MYO9A: variants seen among roughly 807,000 people sequenced by gnomAD.
The protein encoded by MYO9A is unconventional myosin-IXa.
Under a neutral mutation model 293.3 loss-of-function variants are expected in MYO9A, and 103 were observed. The ratio of observed to expected loss-of-function variants is 0.35; its 90% CI spans 0.30 to 0.41. MYO9A has a LOEUF of 0.41. MYO9A is among the 10% of genes least tolerant of loss of function. MYO9A has a pLI of 1.00. For synonymous variants in MYO9A, 1,001 were observed against 1,035.7 expected (o/e 0.97, Z 0.64); for missense variants, 2,685 against 3,033.0 (o/e 0.89, Z 2.69).
chr15:72,106,270 G>C (rs1437882502), intron 1 of MYO9A, among the ~76,000 whole-genome samples: 2 of 151,660 alleles, frequency 1.3e-5, no homozygotes, highest in Non-Finnish European at 2.9e-5. Flanking sequence ...TTGAGGCCAG[G>C]AGTTCAAAAC....
chr15:71,926,478 G>C (rs2058316762), intron 18 of MYO9A, among the ~76,000 whole-genome samples: 1 of 152,150 alleles, frequency 6.6e-6, no homozygotes, highest in Non-Finnish European at 1.5e-5. Context: ...GGAGGCCGAG[G>C]CAGAAAGACT....
intron 35 of MYO9A, among the ~76,000 whole-genome samples, chr15:71,853,959 C>A (rs559439935): frequency 7.9e-5 from 12 of 152,320 alleles, no homozygotes; most frequent in African/African-American, 2.4e-4. Flanking sequence ...CTGTAAGCCT[C>A]AGTTCCTTTT....
intron 1 of MYO9A, among the ~76,000 whole-genome samples, chr15:72,091,485 A>C (rs1344530092): frequency 6.6e-6 from 1 of 152,158 alleles, no homozygotes; most frequent in Non-Finnish European, 1.5e-5. Context: ...AAGAATACGC[A>C]AGCCTAACTG....
chr15:71,920,826 C>A (rs4776583), intron 18 of MYO9A, among the ~76,000 whole-genome samples: 140,279 of 152,060 alleles, frequency 0.92, 65,106 homozygotes, highest in Non-Finnish European at 0.97. Context: ...GCATGCCCGT[C>A]ATCTCAGCTA....
intron 15 of MYO9A, 108 bp from the exon 16 acceptor site, chr15:71,939,035 A>G: frequency 2.7e-6 from 2 of 737,218 alleles, no homozygotes; most frequent in Non-Finnish European, 4.3e-6. Flanking sequence ...TATTTGCTAA[A>G]TATTTCAGAA....
At chr15:71,859,485 C>T (rs985067136) in intron 34 of MYO9A, among the ~76,000 whole-genome samples, 7 of 152,048 alleles carry the variant, frequency 4.6e-5, no homozygotes, top group Non-Finnish European at 1.0e-4. Flanking sequence ...TTGTGGTTTA[C>T]GAAATTAATT....
At chr15:71,844,665 A>G (rs981351809) in intron 39 of MYO9A, among the ~76,000 whole-genome samples, 3 of 152,202 alleles carry the variant, frequency 2.0e-5, no homozygotes, top group African/African-American at 7.2e-5. Context: ...GAGAGCTTTG[A>G]TTTCTTCTGA....
intron 25 of MYO9A, among the ~76,000 whole-genome samples, chr15:71,895,987 A>T (rs1372102851): frequency 1.3e-5 from 2 of 152,214 alleles, no homozygotes; most frequent in East Asian, 3.8e-4. Context: ...ATGGAATACC[A>T]TGTATCACTA....
At chr15:71,979,767 G>A (rs1389575064) in intron 11 of MYO9A, among the ~76,000 whole-genome samples, 1 of 152,170 alleles carries the variant, frequency 6.6e-6, no homozygotes, top group Non-Finnish European at 1.5e-5. Flanking sequence ...CTGCTACAAA[G>A]CATTAGTTCT....
chr15:72,118,375 C>T (rs1238496231), upstream of MYO9A: 2 of 164,710 alleles, frequency 1.2e-5, no homozygotes, highest in Non-Finnish European at 2.6e-5. Flanking sequence ...AGGTTGGGGA[C>T]GAAACCTCTG....
chr15:72,044,744 C>T (rs2078331291), intron 2 of MYO9A, among the ~76,000 whole-genome samples: 1 of 152,218 alleles, frequency 6.6e-6, no homozygotes, highest in African/African-American at 2.4e-5. Flanking sequence ...CGATGCTAGG[C>T]ACAGCTGTTA....
intron 33 of MYO9A, 58 bp from the exon 34 acceptor site, chr15:71,859,854 C>T (rs1419140484): frequency 1.4e-6 from 2 of 1,418,684 alleles, no homozygotes; most frequent in African/African-American, 2.8e-5. Flanking sequence ...GTGATAATAA[C>T]TTATCAAGTA....
chr15:72,101,985 G>A (rs1196310999), intron 1 of MYO9A, among the ~76,000 whole-genome samples: 5 of 151,920 alleles, frequency 3.3e-5, no homozygotes, highest in South Asian at 2.1e-4. Context: ...CGTCTGGGAG[G>A]TGTGCCCAAC....
chr15:72,036,746 G>A lies in MYO9A; in HGVS notation c.841-4158C>T, dbSNP rs140552533. ...TTGTTTTGTTTTGAGACAAGATCTC[G>A]TTCTGTCACCCATGCTGGAGTGCAG... On this transcript the variant is annotated intron_variant, in intron 2 of 41. Transcript: ENST00000356056. The A allele has an allele frequency of 4.9e-3, 748 of 152,342 alleles. 11 individuals carry two copies. The highest frequency in any genetic ancestry group is 3.9e-3 in the Non-Finnish European group (264 of 68,162). 9.4% of individuals were successfully genotyped at this position (152,342 alleles called of 1,614,324 possible).
At chr15:71,952,815 T>A (rs1425032807) in intron 14 of MYO9A, among the ~76,000 whole-genome samples, 1 of 152,204 alleles carries the variant, frequency 6.6e-6, no homozygotes, top group Non-Finnish European at 1.5e-5. Flanking sequence ...ACTGTATAAT[T>A]AGGAATGAGA....
intron 18 of MYO9A, among the ~76,000 whole-genome samples, chr15:71,932,965 AAAAC>A (rs1044576157): frequency 7.2e-5 from 11 of 152,186 alleles, no homozygotes; most frequent in East Asian, 1.9e-4. Flanking sequence ...ACACATTAAT[AAAAC>A]AAACAAAGCA....
At chr15:71,895,505 T>G (rs1251354391) in intron 25 of MYO9A, among the ~76,000 whole-genome samples, 1 of 152,204 alleles carries the variant, frequency 6.6e-6, no homozygotes, top group African/African-American at 2.4e-5. Flanking sequence ...CAGCCATTTC[T>G]CTAAATACAT....
intron 13 of MYO9A, among the ~76,000 whole-genome samples, chr15:71,960,794 T>A (rs1421363569): frequency 2.0e-5 from 3 of 152,188 alleles, no homozygotes; most frequent in Non-Finnish European, 4.4e-5. Flanking sequence ...AGGTATCACA[T>A]ACAGCAACAG....
intron 26 of MYO9A, chr15:71,892,487 T>C (rs977412553): frequency 1.3e-5 from 2 of 152,418 alleles, no homozygotes; most frequent in African/African-American, 2.4e-5. Context: ...CAGTAAACTA[T>C]GGCCAACAGG....
Sources: gnomAD v4.1 joint callset for allele counts (sites outside exome capture counted in the v4.1 genomes callset) on GRCh38, gnomAD v4.1.1 for gene constraint, MANE v1.5 for transcripts, NCBI Gene and HGNC (gene_info 2026-07-23, HGNC 2026-07-21) for gene names.